RAPGEF5: variants seen among roughly 807,000 people sequenced by gnomAD.
RAPGEF5 encodes Rap guanine nucleotide exchange factor 5.
Under a neutral mutation model 125.2 loss-of-function variants are expected in RAPGEF5, and 65 were observed. The ratio of observed to expected loss-of-function variants is 0.52; its 90% CI spans 0.43 to 0.64. The LOEUF is 0.64. Ranked by LOEUF, RAPGEF5 falls within the 30% of genes least tolerant of loss-of-function variation. RAPGEF5 has a pLI of 0.00. For missense variants in RAPGEF5, 958 were observed against 1,048.1 expected (o/e 0.91, Z 1.19); for synonymous variants, 391 against 385.9 (o/e 1.01, Z -0.16).
chr7:22,261,219 C>T (rs1369345470), intron 7 of RAPGEF5, among the ~76,000 whole-genome samples: 2 of 151,954 alleles, frequency 1.3e-5, no homozygotes, highest in African/African-American at 4.8e-5. Context: ...CATTCAGGTT[C>T]TTCTATTATT....
chr7:22,295,147 A>G (rs1783030677), intron 5 of RAPGEF5, among the ~76,000 whole-genome samples: 1 of 152,220 alleles, frequency 6.6e-6, no homozygotes, highest in South Asian at 2.1e-4. Context: ...GCAAATTCCT[A>G]TGAAAAAAGA....
chr7:22,333,708 CA>C (rs1407088161), intron 1 of RAPGEF5, among the ~76,000 whole-genome samples: 1 of 152,242 alleles, frequency 6.6e-6, no homozygotes, highest in Non-Finnish European at 1.5e-5. Flanking sequence ...GATTTGCGCG[CA>C]GGCACACACC....
At position 22,140,891 on chromosome 7, in the gene RAPGEF5, C is replaced by T. The variant is rs76324968; in HGVS notation, c.2187-776G>A. Among the ~76,000 whole-genome samples, 601 of 152,262 alleles carry T rather than the reference C, an allele frequency of 3.9e-3. 12 individuals are homozygous for T. The East Asian group carries it at 0.05, about 13-fold the overall frequency. On this transcript the variant is annotated intron_variant, in intron 20 of 25. Transcript: ENST00000665637. ...TATCTGGAGAGCATTAGAAAACAAC[C>T]TCTCTGAGATAGGGCTTTAAAATAA...
At position 22,278,351 on chromosome 7, in the gene RAPGEF5, T is replaced by C. The variant is rs186219112; in HGVS notation, c.748-11339A>G. Among the ~76,000 whole-genome samples the C allele has an allele frequency of 2.0e-5, 3 of 152,368 alleles. No individual in the cohort carries two copies. The East Asian group carries it at 5.8e-4, about 29-fold the overall frequency. ...GACGTCCATAAGTTTTCTGATTTTT[T>C]ACATCTCATCACCACCACACAATGT... On this transcript the variant is annotated intron_variant, in intron 6 of 25. Coordinates refer to ENST00000665637, the MANE Select transcript of RAPGEF5 (RefSeq NM_012294.5).
chr7:22,135,549 AG>A (rs1783054300), intron 23 of RAPGEF5, among the ~76,000 whole-genome samples: 1 of 152,210 alleles, frequency 6.6e-6, no homozygotes, highest in Non-Finnish European at 1.5e-5. Flanking sequence ...TCCTGAAGAA[AG>A]GAAGTACACT....
chr7:22,205,771 G>A lies in RAPGEF5; in HGVS notation c.997-11738C>T, dbSNP rs531974063. ...ATTTTGATCCTCCTCAGGACATTCT[G>A]ATCTCAGAGAAACAATTCCAAATAT... is the stretch of plus-strand genomic sequence containing the variant. On this transcript the variant is annotated intron_variant, in intron 9 of 25. Transcript: ENST00000665637. Among the ~76,000 whole-genome samples, 5 of 152,298 alleles carry A rather than the reference G, an allele frequency of 3.3e-5. No individual in the cohort carries two copies. In the East Asian group the frequency reaches 9.6e-4, roughly 29 times the overall value.
intron 6 of RAPGEF5, among the ~76,000 whole-genome samples, chr7:22,281,355 G>A (rs962167361): frequency 1.3e-5 from 2 of 152,156 alleles, no homozygotes; most frequent in African/African-American, 2.4e-5. Context: ...GGGACCACAG[G>A]TGCACGCCAC....
At chr7:22,304,861 A>T (rs1177642640) in intron 5 of RAPGEF5, among the ~76,000 whole-genome samples, 1 of 152,214 alleles carries the variant, frequency 6.6e-6, no homozygotes, top group Non-Finnish European at 1.5e-5. Context: ...AGCATATCAC[A>T]ATACAGGACA....
At chr7:22,349,540 A>G (rs1020250468) in intron 1 of RAPGEF5, among the ~76,000 whole-genome samples, 2 of 152,170 alleles carry the variant, frequency 1.3e-5, no homozygotes, top group Non-Finnish European at 1.5e-5. Flanking sequence ...AAAATATTTA[A>G]GGTGATCAAT....
chr7:22,196,666 T>C (rs1279538605), intron 9 of RAPGEF5, among the ~76,000 whole-genome samples: 2 of 152,196 alleles, frequency 1.3e-5, no homozygotes, highest in East Asian at 1.9e-4. Flanking sequence ...CCATGGGATC[T>C]GACAATCAAA....
chr7:22,122,622 T>A lies in RAPGEF5; in HGVS notation c.2537-101A>T, dbSNP rs1782614806. On this transcript the variant is annotated intron_variant, in intron 25 of 25. Coordinates refer to ENST00000665637, the MANE Select transcript of RAPGEF5 (RefSeq NM_012294.5). ...ACTAAGGCTGAGTAAATGTACTAGG[T>A]GGGTTCTCATTAGTCAGAATCCCAT... is the stretch of plus-strand genomic sequence containing the variant. The A allele has an allele frequency of 6.1e-6, 5 of 816,016 alleles. No homozygotes were observed. In the South Asian group the frequency reaches 7.8e-5, roughly 13 times the overall value. The allele number at this position is 816,016 out of a possible 1,614,324, so 50.5% of individuals were successfully genotyped here. A position where few individuals can be genotyped will look rare whatever the true frequency, so the allele number is the denominator to read the frequency against.
rs1784930901 is a variant in RAPGEF5 at position 22,189,632 on chromosome 7, C to T, written c.1204+3735G>A. ...CAGAAACAATTTGATTTTCCTCTAA[C>T]ATTTCAAAATATTTCAAGTCAAAAC... On this transcript the variant is annotated intron_variant, in intron 11 of 25. Coordinates refer to ENST00000665637, the MANE Select transcript of RAPGEF5 (RefSeq NM_012294.5). 2.0e-5 allele frequency among the ~76,000 whole-genome samples: 3 copies of T among 152,032 alleles called. No homozygotes were observed. In the South Asian group the frequency reaches 6.2e-4, roughly 32 times the overall value.
intron 11 of RAPGEF5, among the ~76,000 whole-genome samples, chr7:22,175,135 C>CA (rs1314090301): frequency 6.6e-6 from 1 of 152,106 alleles, no homozygotes; most frequent in Non-Finnish European, 1.5e-5. Context: ...TGTAAACAAA[C>CA]AAACGGGACA....
intron 6 of RAPGEF5, among the ~76,000 whole-genome samples, chr7:22,278,455 A>G (rs1782605770): frequency 6.6e-6 from 1 of 152,026 alleles, no homozygotes; most frequent in Non-Finnish European, 1.5e-5. Flanking sequence ...TTGTTGGGTA[A>G]TTTATAGTAA....
intron 7 of RAPGEF5, among the ~76,000 whole-genome samples, chr7:22,255,947 T>A (rs1325367973): frequency 2.0e-5 from 3 of 152,214 alleles, no homozygotes; most frequent in African/African-American, 7.2e-5. Flanking sequence ...GCATTCTGCC[T>A]GCAGACTTTC....
chr7:22,121,845 C>T lies in RAPGEF5; in HGVS notation c.*561G>A, dbSNP rs896009274. The T allele has an allele frequency of 1.3e-5, 2 of 154,210 alleles. No homozygotes were observed. Among genetic ancestry groups the T allele is most frequent in the Admixed American group, 1.3e-4 (2 of 15,662 alleles). The allele number at this position is 154,210 out of a possible 1,614,324, so 9.6% of individuals were successfully genotyped here. Reference sequence around the variant, plus strand: ...CTGCCCATCAGAGCATGGATGCTAGCTGCAGTCCTCACTAACTCCCTAGAC... The same window carrying T: ...CTGCCCATCAGAGCATGGATGCTAGTTGCAGTCCTCACTAACTCCCTAGAC... On this transcript the variant is annotated 3_prime_UTR_variant, in exon 26 of 26. Transcript: ENST00000665637.
chr7:22,161,537 AACAC>A (rs369030719), intron 13 of RAPGEF5, among the ~76,000 whole-genome samples: 9,849 of 135,990 alleles, frequency 0.072, 355 homozygotes, highest in African/African-American at 0.082. Flanking sequence ...ACCCTGTCTC[AACAC>A]ACACACACAC....
Position 22,122,152 on chromosome 7 carries a change from G to A in RAPGEF5, c.*254C>T, listed in dbSNP as rs555215805. The A allele has an allele frequency of 1.6e-4, 69 of 429,436 alleles. No homozygotes were observed. Among genetic ancestry groups the A allele is most frequent in the South Asian group, 1.1e-4 (3 of 28,128 alleles). 26.6% of individuals were successfully genotyped at this position (429,436 alleles called of 1,614,324 possible). On this transcript the variant is annotated 3_prime_UTR_variant, in exon 26 of 26. Transcript: ENST00000665637. ...TCAACAATGTGATCATAAGAAACCAGCCTTCTCCATCTCAAGAATGCTTCT... is the reference window on the plus strand; with the variant it reads ...TCAACAATGTGATCATAAGAAACCAACCTTCTCCATCTCAAGAATGCTTCT...
At chr7:22,250,359 A>C (rs1786589020) in intron 7 of RAPGEF5, among the ~76,000 whole-genome samples, 1 of 152,240 alleles carries the variant, frequency 6.6e-6, no homozygotes, top group Admixed American at 6.5e-5. Context: ...TTATTACATG[A>C]GTGAAAAGAA....
Sources: allele counts gnomAD v4.1 joint callset (sites outside exome capture counted in the v4.1 genomes callset), GRCh38; gene constraint gnomAD v4.1.1; transcripts MANE v1.5; gene names NCBI Gene and HGNC (gene_info 2026-07-23, HGNC 2026-07-21).